The following PDE10A variants were observed in gnomAD, a reference collection of about 807,000 sequenced individuals.
The protein encoded by PDE10A is cAMP and cAMP-inhibited cGMP 3',5'-cyclic phosphodiesterase 10A.
A neutral mutation model predicts 97.7 loss-of-function variants in PDE10A; 39 were observed. The ratio of observed to expected loss-of-function variants is 0.40; its 90% CI spans 0.31 to 0.52. The LOEUF (loss-of-function observed/expected upper bound fraction) is 0.52, where lower values mean the gene tolerates loss of function less well. Ranked by LOEUF, PDE10A falls within the 20% of genes least tolerant of loss-of-function variation. The pLI is 0.56. For missense variants in PDE10A, 731 were observed against 1,047.8 expected (o/e 0.70, Z 4.17); for synonymous variants, 371 against 376.8 (o/e 0.98, Z 0.18).
At chr6:165,644,579 C>T (rs957909871) in intron 1 of PDE10A, among the ~76,000 whole-genome samples, 4 of 152,160 alleles carry the variant, frequency 2.6e-5, no homozygotes, top group African/African-American at 9.7e-5. Context: ...TGTGTAGGAT[C>T]TCTTGAAATT....
chr6:165,951,346 A>T (rs1783953319), intron 1 of PDE10A, among the ~76,000 whole-genome samples: 1 of 152,130 alleles, frequency 6.6e-6, no homozygotes, highest in African/African-American at 2.4e-5. Flanking sequence ...ACTTCAATTC[A>T]GGTTGATCTG....
At chr6:165,343,545 C>T (rs776040555) in intron 18 of PDE10A, 43 bp from the exon 19 acceptor site, 5 of 1,357,154 alleles carry the variant, frequency 3.7e-6, no homozygotes, top group Non-Finnish European at 5.3e-6. Flanking sequence ...AGCATTTGCA[C>T]ATTTATAGTA....
intron 1 of PDE10A, among the ~76,000 whole-genome samples, chr6:165,713,595 G>T (rs762059804): frequency 6.6e-6 from 1 of 152,156 alleles, no homozygotes; most frequent in East Asian, 1.9e-4. Flanking sequence ...TGACAGATAA[G>T]GTTTGACGAC....
intron 18 of PDE10A, among the ~76,000 whole-genome samples, chr6:165,373,558 A>C (rs370905334): frequency 6.6e-6 from 1 of 152,152 alleles, no homozygotes; most frequent in Non-Finnish European, 1.5e-5. Context: ...TTAGAATGGC[A>C]ATCATCAAAA....
intron 1 of PDE10A, among the ~76,000 whole-genome samples, chr6:165,760,317 G>A (rs370029045): frequency 2.1e-4 from 32 of 152,208 alleles, no homozygotes; most frequent in African/African-American, 4.8e-4. Flanking sequence ...CTCTCCCGCC[G>A]GCTCCTGGGT....
chr6:165,768,829 G>T (rs937227364), intron 1 of PDE10A, among the ~76,000 whole-genome samples: 3 of 152,046 alleles, frequency 2.0e-5, no homozygotes, highest in African/African-American at 7.2e-5. Flanking sequence ...GAGGAACTTG[G>T]TGATCGTAAT....
chr6:165,813,595 G>A (rs1049791972), intron 1 of PDE10A, among the ~76,000 whole-genome samples: 5 of 152,170 alleles, frequency 3.3e-5, no homozygotes, highest in Admixed American at 1.3e-4. Flanking sequence ...CAATGCATCC[G>A]AAGACAATCT....
At chr6:165,638,664 T>C (rs985640101) in intron 1 of PDE10A, among the ~76,000 whole-genome samples, 2 of 152,220 alleles carry the variant, frequency 1.3e-5, no homozygotes, top group African/African-American at 2.4e-5. Context: ...AACTTCATCA[T>C]TAAAATATAT....
intron 16 of PDE10A, among the ~76,000 whole-genome samples, chr6:165,391,242 T>C (rs547154338): frequency 2.0e-5 from 3 of 152,334 alleles, no homozygotes; most frequent in Admixed American, 2.0e-4. Flanking sequence ...AATATTTACA[T>C]GTCATTTTGG....
At chr6:165,573,917 C>T (rs1447515916) in intron 1 of PDE10A, among the ~76,000 whole-genome samples, 1 of 152,218 alleles carries the variant, frequency 6.6e-6, no homozygotes, top group East Asian at 1.9e-4. Context: ...GTAGGGACCC[C>T]TGGCTTATGA....
chr6:165,561,093 C>A (rs918762053), intron 1 of PDE10A, among the ~76,000 whole-genome samples: 1 of 151,930 alleles, frequency 6.6e-6, no homozygotes, highest in Non-Finnish European at 1.5e-5. Flanking sequence ...GTGGCGGGCA[C>A]CTGTAGTCCC....
At chr6:165,857,444 C>T (rs1397281697) in intron 1 of PDE10A, among the ~76,000 whole-genome samples, 1 of 152,222 alleles carries the variant, frequency 6.6e-6, no homozygotes, top group Non-Finnish European at 1.5e-5. Context: ...TCTTGCACAA[C>T]ATTTCATCCA....
In PDE10A at chr6:165,655,268, C is replaced by G. The variant is rs113792147; in HGVS notation, c.865+6679G>C. Among the ~76,000 whole-genome samples, 2,019 of 152,246 alleles carry G rather than the reference C, an allele frequency of 0.013. 55 individuals carry two copies. Among genetic ancestry groups the G allele is most frequent in the African/African-American group, 0.046 (1,900 of 41,526 alleles). ...GCAGTTTCTATGCTGCAGTCTTGAA[C>G]GATCCTTTGGATCAAATCCTCCCAG... On this transcript the variant is annotated intron_variant, in intron 1 of 21. Transcript: ENST00000539869. This position sits in a 1 kb window ranked among gnomAD's most constrained non-coding sequence, Gnocchi z 4.5.
chr6:165,682,408 A>T (rs866824324), intron 1 of PDE10A, among the ~76,000 whole-genome samples: 1 of 152,186 alleles, frequency 6.6e-6, no homozygotes, highest in Non-Finnish European at 1.5e-5. Flanking sequence ...TGCTGAGATT[A>T]CAGGTGTGAG....
At chr6:165,465,124 A>G (rs1402541117) in intron 3 of PDE10A, among the ~76,000 whole-genome samples, 2 of 152,218 alleles carry the variant, frequency 1.3e-5, no homozygotes, top group Admixed American at 1.3e-4. Context: ...TTGAGTTATC[A>G]AAATGATTTA....
chr6:165,943,222 A>AGAAGGAAGGAAGGAAG (rs1783612749), intron 1 of PDE10A, among the ~76,000 whole-genome samples: 9 of 64,712 alleles, frequency 1.4e-4, no homozygotes, highest in Non-Finnish European at 2.3e-4. Flanking sequence ...AAAGAAAGAA[A>AGAAGGAAGGAAGGAAG]GAAAGAAAGA....
At chr6:165,577,107 A>G (rs1223332516) in intron 1 of PDE10A, among the ~76,000 whole-genome samples, 1 of 152,200 alleles carries the variant, frequency 6.6e-6, no homozygotes, top group Non-Finnish European at 1.5e-5. Context: ...GAATCCATCA[A>G]TCCTGGAGTT....
intron 1 of PDE10A, among the ~76,000 whole-genome samples, chr6:165,648,045 G>A (rs184717156): frequency 1.3e-5 from 2 of 152,054 alleles, no homozygotes; most frequent in Non-Finnish European, 2.9e-5. Context: ...ACGGAGTCTC[G>A]CTCTGTCGCC....
At chr6:165,482,438 GT>G (rs1439685391) in intron 2 of PDE10A, 95 bp from the exon 3 acceptor site, 11 of 947,414 alleles carry the variant, frequency 1.2e-5, no homozygotes, top group Non-Finnish European at 1.6e-5. Context: ...AACTTGAAGG[GT>G]TTTTTTGCAA....
Sources: allele counts gnomAD v4.1 joint callset (sites outside exome capture counted in the v4.1 genomes callset), GRCh38; gene constraint gnomAD v4.1.1; non-coding constraint Gnocchi (gnomAD v3.1); transcripts MANE v1.5; gene names NCBI Gene and HGNC (gene_info 2026-07-23, HGNC 2026-07-21).